ABAT: variants seen among roughly 807,000 people sequenced by gnomAD.
ABAT encodes 4-aminobutyrate aminotransferase, also known as 4-aminobutyrate aminotransferase, mitochondrial.
ABAT carries 45 observed loss-of-function variants against 64.6 expected under a neutral mutation model. That is an observed-to-expected ratio of 0.70 (90% CI 0.55 to 0.89). The LOEUF (loss-of-function observed/expected upper bound fraction) is 0.89, where lower values mean the gene tolerates loss of function less well. ABAT is among the 40% of genes least tolerant of loss of function. ABAT has a pLI of 0.00. For missense variants in ABAT, 633 were observed against 658.4 expected, an observed-to-expected ratio of 0.96 and a Z score of 0.42; for synonymous variants, 297 against 250.5, an observed-to-expected ratio of 1.19 and a Z score of -1.75.
At chr16:8,738,610 G>GTTTTTTTTTTTTTT (rs1481834240) in intron 2 of ABAT, among the ~76,000 whole-genome samples, 1 of 122,052 alleles carries the variant, frequency 8.2e-6, no homozygotes, top group African/African-American at 3.7e-5. Context: ...TTTTGTTTTT[G>GTTTTTTTTTTTTTT]TTTTTGTTTT....
chr16:8,694,401 T>C (rs929744693), intron 1 of ABAT, among the ~76,000 whole-genome samples: 1 of 151,628 alleles, frequency 6.6e-6, no homozygotes, highest in Admixed American at 6.6e-5. Flanking sequence ...TGTTTTGTTT[T>C]GTTTTTGAGA....
At chr16:8,713,341 C>T (rs1449664764) in intron 1 of ABAT, 3 of 152,176 alleles carry the variant, frequency 2.0e-5, no homozygotes, top group African/African-American at 7.3e-5. Flanking sequence ...GGGAGATAGC[C>T]TATTTTACAA....
At chr16:8,689,079 CAAAA>C (rs35850996) in intron 1 of ABAT, among the ~76,000 whole-genome samples, 2 of 85,880 alleles carry the variant, frequency 2.3e-5, no homozygotes, top group Admixed American at 1.3e-4. Flanking sequence ...GACCCTGTCT[CAAAA>C]AAAAAAAAAA....
At chr16:8,730,408 C>G (rs1181581936) in intron 1 of ABAT, among the ~76,000 whole-genome samples, 6 of 152,172 alleles carry the variant, frequency 3.9e-5, no homozygotes, top group African/African-American at 7.2e-5. Context: ...ATCCTGGGCT[C>G]GGTGCCTGAT....
At chr16:8,735,951 T>C (rs915383719) in intron 2 of ABAT, 142 bp downstream of exon 2, 1 of 717,286 alleles carries the variant, frequency 1.4e-6, no homozygotes, top group Non-Finnish European at 2.4e-6. Context: ...ATTAGTCTGT[T>C]CTCATGCTGC....
At chr16:8,768,334 T>G in intron 10 of ABAT, 78 bp downstream of exon 10, 4 of 1,456,076 alleles carry the variant, frequency 2.7e-6, no homozygotes, top group Non-Finnish European at 2.9e-6. Context: ...CGGCTGACAT[T>G]AGCAGTTTAC....
At chr16:8,694,138 T>C (rs1297654917) in intron 1 of ABAT, among the ~76,000 whole-genome samples, 1 of 151,032 alleles carries the variant, frequency 6.6e-6, no homozygotes, top group African/African-American at 2.4e-5. Flanking sequence ...CACGCCATTC[T>C]CCTGCCTCAG....
intron 6 of ABAT, among the ~76,000 whole-genome samples, chr16:8,761,502 A>G (rs1290333820): frequency 6.6e-6 from 1 of 152,160 alleles, no homozygotes; most frequent in African/African-American, 2.4e-5. Context: ...GAATGCTTCC[A>G]ATGTGCCAAG....
rs138894218 is a variant in ABAT, at chr16:8,740,988, G to A, written c.71-5013G>A. On this transcript the variant is annotated intron_variant, in intron 2 of 15. Coordinates refer to ENST00000268251, the MANE Select transcript of ABAT (RefSeq NM_020686.6). ...CAGAGCTTTGGCTGTTTGGGAACAC[G>A]ACATTCGTTTATCACTCTCGGTCTA... 3.9e-3 allele frequency among the ~76,000 whole-genome samples: 592 copies of A among 152,326 alleles called. 6 individuals carry two copies. Among genetic ancestry groups the A allele is most frequent in the African/African-American group, 0.013 (555 of 41,578 alleles).
At chr16:8,724,976 G>A (rs868070441) in intron 1 of ABAT, among the ~76,000 whole-genome samples, 65 of 151,014 alleles carry the variant, frequency 4.3e-4, no homozygotes, top group African/African-American at 1.2e-3. Flanking sequence ...GAGTGCAGTG[G>A]CGCCATCTCG....
At chr16:8,761,009 G>C (rs1246570825) in intron 6 of ABAT, among the ~76,000 whole-genome samples, 1 of 152,202 alleles carries the variant, frequency 6.6e-6, no homozygotes, top group Non-Finnish European at 1.5e-5. Context: ...AGCCCAGGAA[G>C]TCATTGCAGT....
At position 8,768,208 on chromosome 16, in the gene ABAT, G is replaced by A. The variant is rs772498753; in HGVS notation, c.619G>A (p.Asp207Asn). 28 of 1,613,948 alleles carry A rather than the reference G, an allele frequency of 1.7e-5. No homozygotes were observed. The highest frequency in any genetic ancestry group is 1.3e-4 in the East Asian group (6 of 44,894). The stretch of plus-strand genomic sequence containing the variant: ...TTGGTTTTAGGCCCCTGGCTGCCCC[G>A]ACTACAGCATCCTCTCCTTCATGGG... ...CMINQAPGCPDYSILSFMGAF... is the reference protein window; with the variant it reads ...CMINQAPGCPNYSILSFMGAF... The change falls in exon 10 of 16, where the codon GAC becomes AAC. Residue 207 changes from aspartate to asparagine, a missense_variant. Physicochemically the swap from Asp to Asn is conservative, Grantham distance 23. Transcript: ENST00000268251.
At chr16:8,759,576 A>C (rs2059738936) in intron 6 of ABAT, among the ~76,000 whole-genome samples, 1 of 152,108 alleles carries the variant, frequency 6.6e-6, no homozygotes, top group African/African-American at 2.4e-5. Flanking sequence ...GCAGGGGTGC[A>C]ATCATGGCTC....
At chr16:8,746,581 A>G (rs1233693715) in intron 3 of ABAT, among the ~76,000 whole-genome samples, 1 of 148,254 alleles carries the variant, frequency 6.7e-6, no homozygotes, top group African/African-American at 2.5e-5. Context: ...GGGTTTCACT[A>G]TGTTGGCCAG....
At chr16:8,777,561 C>T (rs1410790734) in intron 14 of ABAT, among the ~76,000 whole-genome samples, 3 of 152,198 alleles carry the variant, frequency 2.0e-5, no homozygotes, top group Middle Eastern at 3.4e-3. Flanking sequence ...CACTCCTAAC[C>T]GTAAGGACGT....
chr16:8,759,805 A>G (rs1366171373), intron 6 of ABAT, among the ~76,000 whole-genome samples: 1 of 152,130 alleles, frequency 6.6e-6, no homozygotes, highest in African/African-American at 2.4e-5. Context: ...CGGTCTCCCA[A>G]AGTCCTGGGA....
At chr16:8,734,958 A>T (rs1029347627) in intron 1 of ABAT, among the ~76,000 whole-genome samples, 1 of 152,000 alleles carries the variant, frequency 6.6e-6, no homozygotes, top group Non-Finnish European at 1.5e-5. Flanking sequence ...CTGTAATCCC[A>T]GCACTTTGGG....
chr16:8,702,521 G>A (rs928092950), intron 1 of ABAT, among the ~76,000 whole-genome samples: 1 of 152,158 alleles, frequency 6.6e-6, no homozygotes, highest in Non-Finnish European at 1.5e-5. Flanking sequence ...CCAAAGTGCT[G>A]GGATTATAGG....
intron 1 of ABAT, among the ~76,000 whole-genome samples, chr16:8,678,305 A>G (rs1338506905): frequency 3.3e-5 from 5 of 152,128 alleles, no homozygotes; most frequent in Non-Finnish European, 7.3e-5. Context: ...TTGGCTTCCC[A>G]AAGCACTGGG....
Sources: allele counts gnomAD v4.1 joint callset (sites outside exome capture counted in the v4.1 genomes callset), GRCh38; gene constraint gnomAD v4.1.1; transcripts MANE v1.5; gene names NCBI Gene and HGNC (gene_info 2026-07-23, HGNC 2026-07-21).